Variants in DOCK8 observed in about 807,000 individuals in gnomAD.
The protein encoded by DOCK8 is dedicator of cytokinesis 8.
A neutral mutation model predicts 245.6 loss-of-function variants in DOCK8; 141 were observed. The observed-to-expected ratio is 0.57, with a 90% CI of 0.50 to 0.66. The LOEUF is 0.66. Ranked by LOEUF, DOCK8 falls within the 30% of genes least tolerant of loss-of-function variation. The pLI is 0.00. For missense variants in DOCK8, 2,965 were observed against 2,603.4 expected (o/e 1.14, Z -3.02); for synonymous variants, 1,168 against 970.2 (o/e 1.20, Z -3.79).
intron 1 of DOCK8, among the ~76,000 whole-genome samples, chr9:249,269 C>A (rs2131454282): frequency 6.6e-6 from 1 of 151,516 alleles, no homozygotes; most frequent in South Asian, 2.1e-4. Context: ...ACGCCCAGTT[C>A]TTTTGTCCAA....
In DOCK8 at chr9:450,744, C is replaced by A. The variant is rs144656651; in HGVS notation, c.5961+817C>A. Among the ~76,000 whole-genome samples the A allele has an allele frequency of 3.6e-3, 554 of 151,834 alleles. 3 individuals are homozygous for A. The highest frequency in any genetic ancestry group is 0.013 in the African/African-American group (537 of 41,382). ...AGATCAGGAAAAAAAAATGAGGAAA[C>A]GTTTGCCTTTGTAAGTGCCAATCCT... On this transcript the variant is annotated intron_variant, in intron 45 of 47. Transcript: ENST00000432829.
chr9:275,147 T>G (rs1563861638), intron 2 of DOCK8, among the ~76,000 whole-genome samples: 1 of 152,248 alleles, frequency 6.6e-6, no homozygotes, highest in Non-Finnish European at 1.5e-5. Context: ...ATAATAATGC[T>G]GTCCCTAGTA....
At chr9:327,048 A>G (rs1219846819) in intron 8 of DOCK8, among the ~76,000 whole-genome samples, 1 of 152,212 alleles carries the variant, frequency 6.6e-6, no homozygotes. Flanking sequence ...TTCATTCCCT[A>G]CAACCAGGCT....
chr9:329,830 A>G (rs10970638), intron 9 of DOCK8, among the ~76,000 whole-genome samples: 1 of 152,094 alleles, frequency 6.6e-6, no homozygotes, highest in Non-Finnish European at 1.5e-5. Context: ...AATATGTTCC[A>G]AAATTTTCAA....
At chr9:345,142 A>T (rs2051817256) in intron 14 of DOCK8, among the ~76,000 whole-genome samples, 1 of 152,230 alleles carries the variant, frequency 6.6e-6, no homozygotes. Context: ...AGAGTCTGTC[A>T]GGTAACTTTC....
rs16926614 is a variant in DOCK8, at chr9:272,950, C to G, written c.156+1221C>G. ...CACTCTTGCTGGTTCTGCTGCTTAT[C>G]TTGAAGAGGTTAGGTTACTTTTTGT... is the stretch of plus-strand genomic sequence containing the variant. On this transcript the variant is annotated intron_variant, in intron 2 of 47. Transcript: ENST00000432829. 8.4e-3 allele frequency: 6,427 copies of G among 763,942 alleles called. 326 individuals carry two copies. The African/African-American group carries it at 0.11, about 13-fold the overall frequency. 47.3% of individuals were successfully genotyped at this position (763,942 alleles called of 1,614,324 possible).
intron 46 of DOCK8, chr9:454,464 G>A (rs1222907567): frequency 6.6e-6 from 1 of 151,986 alleles, no homozygotes; most frequent in African/African-American, 2.4e-5. Flanking sequence ...GCATCCCCTG[G>A]GGGTCTTGGA....
chr9:418,974 A>G (rs2056157213), intron 30 of DOCK8, among the ~76,000 whole-genome samples: 2 of 152,140 alleles, frequency 1.3e-5, no homozygotes, highest in Admixed American at 1.3e-4. Flanking sequence ...AGGGAGCCTA[A>G]GGAGGGTTGT....
At chr9:397,899 A>C (rs1031386629) in intron 25 of DOCK8, among the ~76,000 whole-genome samples, 3 of 152,328 alleles carry the variant, frequency 2.0e-5, no homozygotes, top group African/African-American at 7.2e-5. Flanking sequence ...TCTTTGTACT[A>C]TTCTTGCACC....
chr9:442,781 C>T (rs2057133536), intron 42 of DOCK8, among the ~76,000 whole-genome samples: 1 of 151,524 alleles, frequency 6.6e-6, no homozygotes, highest in South Asian at 2.1e-4. Flanking sequence ...TCACAATTAA[C>T]CAAAGATTCA....
chr9:313,320 CTCTT>C (rs1198622657), intron 6 of DOCK8, among the ~76,000 whole-genome samples: 1 of 152,196 alleles, frequency 6.6e-6, no homozygotes, highest in Non-Finnish European at 1.5e-5. Context: ...GTAACTAACT[CTCTT>C]AAGTTCTTTA....
chr9:215,051 G>A (rs748970219), intron 1 of DOCK8, 22 bp downstream of exon 1: 1 of 1,561,700 alleles, frequency 6.4e-7, no homozygotes, highest in East Asian at 2.4e-5. Flanking sequence ...CCCGCGGCGC[G>A]CAGGTTGCGG....
intron 28 of DOCK8, among the ~76,000 whole-genome samples, chr9:412,622 G>A (rs1393889973): frequency 2.0e-5 from 3 of 151,940 alleles, no homozygotes; most frequent in Non-Finnish European, 4.4e-5. Context: ...CACTTACGAT[G>A]AGCAATCTGA....
chr9:357,245 G>C (rs1023414224), intron 14 of DOCK8, among the ~76,000 whole-genome samples: 1 of 152,140 alleles, frequency 6.6e-6, no homozygotes, highest in African/African-American at 2.4e-5. Context: ...AATAGAAAAG[G>C]TATTCTACAA....
rs376713152 is a variant in DOCK8 at position 336,702 on chromosome 9, G to C, written c.1406G>C (p.Ser469Thr). The C allele has an allele frequency of 1.2e-6, 2 of 1,614,016 alleles. No individual in the cohort carries two copies. The highest frequency in any genetic ancestry group is 2.7e-5 in the African/African-American group (2 of 75,020). ...TTCAAAACCTCCACTCTGAGCGTTAGCAGCTTTTTCAAGCAGGTATCTCTT... is the reference window on the plus strand; with the variant it reads ...TTCAAAACCTCCACTCTGAGCGTTACCAGCTTTTTCAAGCAGGTATCTCTT... ...SNFKTSTLSV[S>T]SFFKQEGDRL... Residue 469 changes from serine (S) to threonine (T), a missense_variant, in exon 12 of 48, where the codon AGC becomes ACC. Ser to Thr is a moderately conservative substitution (Grantham distance 58, BLOSUM62 1). Coordinates refer to ENST00000432829, the MANE Select transcript of DOCK8 (RefSeq NM_203447.4).
intron 29 of DOCK8, 149 bp downstream of exon 29, chr9:415,100 G>T (rs2055930688): frequency 2.7e-6 from 3 of 1,108,490 alleles, no homozygotes; most frequent in Non-Finnish European, 4.0e-6. Context: ...TTTAACACTG[G>T]CCCCAATCAG....
intron 37 of DOCK8, among the ~76,000 whole-genome samples, chr9:433,459 G>A (rs889882695): frequency 1.3e-5 from 2 of 152,186 alleles, no homozygotes; most frequent in African/African-American, 4.8e-5. Context: ...AATCTCTGAA[G>A]CCCTGGGAAG....
chr9:256,261 G>A (rs888572103), intron 1 of DOCK8, among the ~76,000 whole-genome samples: 1 of 152,136 alleles, frequency 6.6e-6, no homozygotes, highest in Non-Finnish European at 1.5e-5. Flanking sequence ...AATGTTGGCC[G>A]AAGACTGAGC....
In DOCK8 at chr9:334,392, T is replaced by A. The variant is rs1390338005; in HGVS notation, c.1285+8T>A. 6.2e-7 allele frequency: 1 copy of A among 1,611,408 alleles called. No individual in the cohort carries two copies. The highest frequency in any genetic ancestry group is 8.5e-7 in the Non-Finnish European group (1 of 1,178,016). ...ATGTGGACTCTGTGGTTGGTAAGAT[T>A]TTCACCTGCAGTGGGAAAGGGAGGG... On this transcript the variant is annotated splice_region_variant and intron_variant, in intron 11 of 47. Transcript: ENST00000432829.
Sources: gnomAD v4.1 joint callset for allele counts (sites outside exome capture counted in the v4.1 genomes callset) on GRCh38, gnomAD v4.1.1 for gene constraint, MANE v1.5 for transcripts, NCBI Gene and HGNC (gene_info 2026-07-23, HGNC 2026-07-21) for gene names.